VPS13A: variants seen among roughly 807,000 people sequenced by gnomAD.
VPS13A encodes the protein intermembrane lipid transfer protein VPS13A.
VPS13A carries 264 observed loss-of-function variants against 390.9 expected under a neutral mutation model. The ratio of observed to expected loss-of-function variants is 0.68; its 90% CI spans 0.61 to 0.75. The LOEUF (loss-of-function observed/expected upper bound fraction) is 0.75, where lower values mean the gene tolerates loss of function less well. Among genes scored for constraint, VPS13A ranks in the 30% least tolerant of loss-of-function variants. The probability of loss-of-function intolerance (pLI) is 0.00; values close to 1 mark genes in which losing one functional copy is unlikely to be tolerated. For missense variants in VPS13A, 3,409 were observed against 3,733.9 expected (o/e 0.91, Z 2.27); for synonymous variants, 1,231 against 1,227.1 (o/e 1.00, Z -0.07).
Position 77,323,282 on chromosome 9 carries a change from A to G in VPS13A, c.5991+55A>G, listed in dbSNP as rs888068092. 1.1e-5 allele frequency: 18 copies of G among 1,583,498 alleles called. No homozygotes were observed. In the African/African-American group the frequency reaches 1.5e-4, roughly 13 times the overall value. On this transcript the variant is annotated intron_variant, in intron 45 of 71. Transcript: ENST00000360280. Reference sequence around the variant, plus strand: ...CTGTTATGCATATCTGTGTGCTAATAAAATTAAAAACAACAACAACAAATT... The same window carrying G: ...CTGTTATGCATATCTGTGTGCTAATGAAATTAAAAACAACAACAACAAATT...
Position 77,328,590 on chromosome 9 carries a change from A to G in VPS13A, c.5992-3420A>G, listed in dbSNP as rs1394145251. Among the ~76,000 whole-genome samples the G allele has an allele frequency of 2.6e-5, 4 of 152,180 alleles. No homozygotes were observed. The South Asian group carries it at 6.2e-4, about 24-fold the overall frequency. On this transcript the variant is annotated intron_variant, in intron 45 of 71. Coordinates refer to ENST00000360280, the MANE Select transcript of VPS13A (RefSeq NM_033305.3). ...TTGTTTAGTGTAGCCATCTTCATCA[A>G]TGATCTTAGCTAGACCTTCTGGATA... is the stretch of plus-strand genomic sequence containing the variant.
intron 53 of VPS13A, among the ~76,000 whole-genome samples, chr9:77,351,850 A>G (rs1005701452): frequency 6.6e-6 from 1 of 152,190 alleles, no homozygotes; most frequent in Non-Finnish European, 1.5e-5. Flanking sequence ...GCCTGGCGAC[A>G]GAGCAAGACT....
chr9:77,288,874 T>G (rs1207534943), intron 31 of VPS13A, among the ~76,000 whole-genome samples: 2 of 152,152 alleles, frequency 1.3e-5, no homozygotes. Context: ...TTCTTTAAGT[T>G]TTTTGCTTTG....
intron 63 of VPS13A, 110 bp from the exon 64 acceptor site, chr9:77,370,147 A>T (rs1587675260): frequency 8.4e-7 from 1 of 1,195,728 alleles, no homozygotes; most frequent in Admixed American, 1.9e-5. Context: ...TTCCTCTGGG[A>T]CAACATTATC....
rs762863535 is a variant in VPS13A at position 77,220,124 on chromosome 9, G to A, written c.882+43G>A. On this transcript the variant is annotated intron_variant, in intron 11 of 71. Transcript: ENST00000360280. ...AATTTTCAATTGTGAATTATTGTTTGATAAAAGCAAAACTAAGATTTTAAA... is the reference window on the plus strand; with the variant it reads ...AATTTTCAATTGTGAATTATTGTTTAATAAAAGCAAAACTAAGATTTTAAA... 4 of 1,572,504 alleles carry A rather than the reference G, an allele frequency of 2.5e-6. No individual in the cohort carries two copies. The African/African-American group carries it at 5.4e-5, about 21-fold the overall frequency.
chr9:77,338,949 C>G (rs1830673583), intron 47 of VPS13A: 1 of 156,478 alleles, frequency 6.4e-6, no homozygotes, highest in African/African-American at 2.4e-5. Context: ...GGTTAGGGGA[C>G]TCTTAAACTG....
chr9:77,302,875 T>C, intron 33 of VPS13A, 40 bp from the exon 34 acceptor site: 1 of 1,578,310 alleles, frequency 6.3e-7, no homozygotes, highest in Non-Finnish European at 8.7e-7. Flanking sequence ...TACCTGAATG[T>C]ATATGAAACA....
Position 77,226,458 on chromosome 9 carries a change from C to T in VPS13A, c.1225-8C>T. The T allele has an allele frequency of 6.3e-7, 1 of 1,599,562 alleles. No homozygotes were observed. The highest frequency in any genetic ancestry group is 8.6e-7 in the Non-Finnish European group (1 of 1,167,514). Reference sequence around the variant, plus strand: ...TGTGTCATTTATTTGAAAATTTATTCATTTTAGGTAAAGAAAGCTGGATAC... The same window carrying T: ...TGTGTCATTTATTTGAAAATTTATTTATTTTAGGTAAAGAAAGCTGGATAC... On this transcript the variant is annotated splice_region_variant and splice_polypyrimidine_tract_variant and intron_variant, in intron 14 of 71. Transcript: ENST00000360280.
At chr9:77,281,523 C>T (rs183462229) in intron 27 of VPS13A, among the ~76,000 whole-genome samples, 264 of 152,042 alleles carry the variant, frequency 1.7e-3, no homozygotes, top group Non-Finnish European at 2.8e-3. Context: ...TTTTTAAATA[C>T]AGGAAGAATT....
intron 7 of VPS13A, 136 bp downstream of exon 7, chr9:77,210,811 G>A (rs530673282): frequency 3.5e-6 from 3 of 847,840 alleles, no homozygotes; most frequent in African/African-American, 3.4e-5. Context: ...CATTGGATTG[G>A]AATCGAGGGT....
chr9:77,215,913 G>C (rs1163686540), intron 10 of VPS13A, among the ~76,000 whole-genome samples: 1 of 152,234 alleles, frequency 6.6e-6, no homozygotes, highest in African/African-American at 2.4e-5. Flanking sequence ...TTAGCAAGGT[G>C]CTGGGGGAAG....
chr9:77,374,320 T>G (rs1801650316), intron 67 of VPS13A, among the ~76,000 whole-genome samples: 1 of 152,130 alleles, frequency 6.6e-6, no homozygotes, highest in South Asian at 2.1e-4. Flanking sequence ...AATAATAAAA[T>G]AAGACAATTA....
intron 23 of VPS13A, among the ~76,000 whole-genome samples, chr9:77,272,219 C>CT (rs1826390156): frequency 6.6e-6 from 1 of 152,094 alleles, no homozygotes; most frequent in African/African-American, 2.4e-5. Context: ...AATTTGAAAT[C>CT]TTTGAACACC....
chr9:77,234,967 G>A (rs565596820), intron 17 of VPS13A, among the ~76,000 whole-genome samples: 18 of 151,948 alleles, frequency 1.2e-4, no homozygotes, highest in Non-Finnish European at 2.4e-4. Context: ...TCATCTTTAC[G>A]TTATCATTTT....
At chr9:77,263,813 C>T (rs931645103) in intron 23 of VPS13A, among the ~76,000 whole-genome samples, 1 of 152,178 alleles carries the variant, frequency 6.6e-6, no homozygotes, top group South Asian at 2.1e-4. Context: ...GTCATTTAGT[C>T]TTTGCCCATT....
At chr9:77,389,525 C>T (rs1258545207) in intron 68 of VPS13A, among the ~76,000 whole-genome samples, 1 of 152,044 alleles carries the variant, frequency 6.6e-6, no homozygotes, top group Non-Finnish European at 1.5e-5. Flanking sequence ...CCGGGCTGGT[C>T]TTGAACTGAG....
intron 46 of VPS13A, among the ~76,000 whole-genome samples, chr9:77,333,914 G>A (rs1830409634): frequency 6.6e-6 from 1 of 152,076 alleles, no homozygotes; most frequent in Non-Finnish European, 1.5e-5. Flanking sequence ...AAGATGAATT[G>A]CATGTGGCTA....
chr9:77,206,037 C>G lies in VPS13A; in HGVS notation c.343C>G (p.Leu115Val). 6.3e-7 allele frequency: 1 copy of G among 1,583,844 alleles called. No homozygotes were observed. The highest frequency in any genetic ancestry group is 8.6e-7 in the Non-Finnish European group (1 of 1,163,184). The change falls in exon 5 of 72, where the codon CTG (leucine) becomes GTG (valine). Residue 115 changes from leucine to valine, a missense_variant. By Grantham distance (32) the Leu-to-Val change is conservative. Coordinates refer to ENST00000360280, the MANE Select transcript of VPS13A (RefSeq NM_033305.3). ...KQLMEAKQQE[L>V]KRIEEAKQKV... ...ACTCATGGAAGCAAAGCAACAGGAACTGAAAAGAATAGAAGAAGCAAAACA... is the reference window on the plus strand; with the variant it reads ...ACTCATGGAAGCAAAGCAACAGGAAGTGAAAAGAATAGAAGAAGCAAAACA...
At chr9:77,269,581 A>C (rs182643061) in intron 23 of VPS13A, among the ~76,000 whole-genome samples, 12 of 152,356 alleles carry the variant, frequency 7.9e-5, no homozygotes, top group African/African-American at 2.6e-4. Context: ...AGATTTGGAT[A>C]GAAATTGTAT....
Sources: gnomAD v4.1 joint callset for allele counts (sites outside exome capture counted in the v4.1 genomes callset) on GRCh38, gnomAD v4.1.1 for gene constraint, MANE v1.5 for transcripts, NCBI Gene and HGNC (gene_info 2026-07-23, HGNC 2026-07-21) for gene names.